Variants in BMF observed in about 807,000 individuals in gnomAD.
BMF encodes the protein Bcl2 modifying factor.
In BMF, 10 loss-of-function variants were observed where a neutral mutation model predicts 22.0. The observed-to-expected ratio is 0.45, with a 90% CI of 0.28 to 0.77. BMF has a LOEUF of 0.77. Among genes scored for constraint, BMF ranks in the 30% least tolerant of loss-of-function variants. BMF has a pLI of 0.13. For missense variants in BMF, 206 were observed against 226.8 expected, an observed-to-expected ratio of 0.91 and a Z score of 0.59; for synonymous variants, 87 against 88.1, an observed-to-expected ratio of 0.99 and a Z score of 0.07.
chr15:40,093,296 C>T (rs957841279), intron 4 of BMF, among the ~76,000 whole-genome samples: 2 of 152,198 alleles, frequency 1.3e-5, no homozygotes, highest in East Asian at 3.8e-4. Flanking sequence ...ATCATGGCAA[C>T]AGCATTCCTC....
chr15:40,098,868 G>A (rs565697211), intron 4 of BMF, among the ~76,000 whole-genome samples: 85 of 152,332 alleles, frequency 5.6e-4, no homozygotes, highest in South Asian at 5.4e-3. Context: ...GCAGTCAGGT[G>A]CAGAGTGTGT....
chr15:40,099,780 C>CAA (rs747996690), intron 4 of BMF, among the ~76,000 whole-genome samples: 2,296 of 63,426 alleles, frequency 0.036, 49 homozygotes, highest in African/African-American at 0.089. Context: ...GCTGTCTCAC[C>CAA]AAAAAAAAAA....
chr15:40,100,037 A>G (rs2036444065), intron 4 of BMF, among the ~76,000 whole-genome samples: 1 of 152,242 alleles, frequency 6.6e-6, no homozygotes, highest in Admixed American at 6.5e-5. Flanking sequence ...GTCCAAGTGA[A>G]AAAGCCATTT....
In BMF at chr15:40,104,274, G is replaced by A; in HGVS notation, c.359C>T (p.Pro120Leu). 6.2e-7 allele frequency: 1 copy of A among 1,614,214 alleles called. No homozygotes were observed. The highest frequency in any genetic ancestry group is 8.5e-7 in the Non-Finnish European group (1 of 1,180,046). The change falls in exon 4 of 5, where the codon CCC (proline) becomes CTC (leucine). Residue 120 changes from proline (P) to leucine (L), a missense_variant. By Grantham distance (98) the Pro-to-Leu change is moderately conservative. Transcript: ENST00000354670. Reference sequence around the variant, plus strand: ...TTGATGTTGCCACTGCCCTTCGGGGGGCTGCTCCCCAATGGGCAAGACTGC... The same window carrying A: ...TTGATGTTGCCACTGCCCTTCGGGGAGCTGCTCCCCAATGGGCAAGACTGC... ...FPAVLPIGEQ[P>L]PEGQWQHQAE...
chr15:40,103,491 C>T (rs1367561089), intron 4 of BMF, among the ~76,000 whole-genome samples: 1 of 152,232 alleles, frequency 6.6e-6, no homozygotes, highest in Non-Finnish European at 1.5e-5. Flanking sequence ...CTGCCAGCCG[C>T]CGCCTTTGTT....
Position 40,090,273 on chromosome 15 carries a change from C to G in BMF, c.*1514G>C, listed in dbSNP as rs1474640523. ...TACTGAAGACCTCCTCTCCTCAGAA[C>G]TGGAAGACTTGGGCTTGTTCAGATT... On this transcript the variant is annotated 3_prime_UTR_variant, in exon 5 of 5. Transcript: ENST00000354670. 6.6e-6 allele frequency: 1 copy of G among 152,668 alleles called. No individual in the cohort carries two copies. The highest frequency in any genetic ancestry group is 2.4e-5 in the African/African-American group (1 of 41,446). The allele number at this position is 152,668 out of a possible 1,614,324, so 9.5% of individuals were successfully genotyped here.
At chr15:40,092,520 G>C (rs16970354) in intron 4 of BMF, among the ~76,000 whole-genome samples, 1,635 of 152,170 alleles carry the variant, frequency 0.011, 28 homozygotes, top group African/African-American at 0.038. Context: ...TCTCCAGCTC[G>C]GTGCTGCCCT....
rs1297605988 is a variant in BMF at position 40,089,629 on chromosome 15, C to A, written c.*2158G>T. ...GATGGCCTTGCCCCAGCACCAAGATCTAAATCATTTTCTCTCTCACTGAAC... is the reference window on the plus strand; with the variant it reads ...GATGGCCTTGCCCCAGCACCAAGATATAAATCATTTTCTCTCTCACTGAAC... On this transcript the variant is annotated 3_prime_UTR_variant, in exon 5 of 5. Coordinates refer to ENST00000354670, the MANE Select transcript of BMF (RefSeq NM_001003940.2). 6.6e-6 allele frequency: 1 copy of A among 152,232 alleles called. No homozygotes were observed. Among genetic ancestry groups the A allele is most frequent in the Non-Finnish European group, 1.5e-5 (1 of 68,052 alleles). 9.4% of individuals were successfully genotyped at this position (152,232 alleles called of 1,614,324 possible).
In BMF at chr15:40,091,646, C is replaced by G; in HGVS notation, c.*141G>C. ...CCCGCTTGAGTATGTTGTATGTACA[C>G]TCAGAGAGAAATTAAAAAAAATTAA... is the stretch of plus-strand genomic sequence containing the variant. On this transcript the variant is annotated 3_prime_UTR_variant, in exon 5 of 5. Coordinates refer to ENST00000354670, the MANE Select transcript of BMF (RefSeq NM_001003940.2). 1.5e-6 allele frequency: 1 copy of G among 668,340 alleles called. No individual in the cohort carries two copies. The allele number at this position is 668,340 out of a possible 1,614,324, so 41.4% of individuals were successfully genotyped here.
At chr15:40,101,401 A>C (rs1192613181) in intron 4 of BMF, among the ~76,000 whole-genome samples, 1 of 152,220 alleles carries the variant, frequency 6.6e-6, no homozygotes, top group African/African-American at 2.4e-5. Context: ...AGTGAAGTCA[A>C]GTGACTTCCT....
At chr15:40,107,832 C>T (rs1262262647) in intron 2 of BMF, among the ~76,000 whole-genome samples, 1 of 152,080 alleles carries the variant, frequency 6.6e-6, no homozygotes, top group African/African-American at 2.4e-5. Flanking sequence ...CCCCAAAGTT[C>T]AACCTTTGCC....
intron 4 of BMF, among the ~76,000 whole-genome samples, chr15:40,098,986 G>A (rs148867107): frequency 1.3e-5 from 2 of 152,210 alleles, no homozygotes; most frequent in Admixed American, 6.5e-5. Flanking sequence ...CAGCCCCGGC[G>A]CTGGCTCTCA....
chr15:40,093,170 C>T (rs894529344), intron 4 of BMF, among the ~76,000 whole-genome samples: 1 of 152,208 alleles, frequency 6.6e-6, no homozygotes, highest in Non-Finnish European at 1.5e-5. Flanking sequence ...TTTCCCAGGG[C>T]CACCATGCAG....
In BMF at chr15:40,091,898, GA is replaced by G. The variant is rs76511640; in HGVS notation, c.454-11del. On this transcript the variant is annotated splice_polypyrimidine_tract_variant and intron_variant, in intron 4 of 4. Coordinates refer to ENST00000354670, the MANE Select transcript of BMF (RefSeq NM_001003940.2). Reference sequence around the variant, plus strand: ...TTTGGTTCTGCTGGTGCTGAAGGGAGAAAAAAAAAAAAGACCAACATAACTC... The same window carrying G: ...TTTGGTTCTGCTGGTGCTGAAGGGAGAAAAAAAAAAAGACCAACATAACTC... 0.092 allele frequency: 92,111 copies of G among 996,784 alleles called. 1 individual carries two copies. Among genetic ancestry groups the G allele is most frequent in the South Asian group, 0.12 (6,011 of 50,306 alleles). 61.7% of individuals were successfully genotyped at this position (996,784 alleles called of 1,614,324 possible).
rs2036191887 is a variant in BMF, at chr15:40,089,303, T to G, written c.*2484A>C. On this transcript the variant is annotated 3_prime_UTR_variant, in exon 5 of 5. Coordinates refer to ENST00000354670, the MANE Select transcript of BMF (RefSeq NM_001003940.2). ...GGAGGAAGGGGCCAGTTTAGATCAC[T>G]AAGCCAATTAAAAACAACCAGCCAG... 6.6e-6 allele frequency: 1 copy of G among 152,230 alleles called. No individual in the cohort carries two copies. Among genetic ancestry groups the G allele is most frequent in the African/African-American group, 2.4e-5 (1 of 41,428 alleles). 9.4% of individuals were successfully genotyped at this position (152,230 alleles called of 1,614,324 possible). A position where few individuals can be genotyped will look rare whatever the true frequency, so the allele number is the denominator to read the frequency against.
intron 4 of BMF, among the ~76,000 whole-genome samples, chr15:40,101,487 C>T (rs1367781211): frequency 6.6e-6 from 1 of 152,142 alleles, no homozygotes; most frequent in Admixed American, 6.5e-5. Flanking sequence ...GAAACTAAAT[C>T]CTAAATAACC....
At chr15:40,092,961 C>T (rs996771748) in intron 4 of BMF, among the ~76,000 whole-genome samples, 3 of 152,202 alleles carry the variant, frequency 2.0e-5, no homozygotes, top group Admixed American at 6.5e-5. Context: ...TCAGTGGCCC[C>T]GTCAGCAAGC....
At chr15:40,100,717 G>A (rs2036458455) in intron 4 of BMF, among the ~76,000 whole-genome samples, 1 of 152,196 alleles carries the variant, frequency 6.6e-6, no homozygotes, top group Non-Finnish European at 1.5e-5. Context: ...AAGTGCAGAT[G>A]GCCCACGTAA....
chr15:40,101,769 C>G (rs1160552282), intron 4 of BMF, among the ~76,000 whole-genome samples: 1 of 152,062 alleles, frequency 6.6e-6, no homozygotes, highest in Non-Finnish European at 1.5e-5. Flanking sequence ...TAAGTAGGGT[C>G]AGTGGGGAGG....
Sources: allele counts gnomAD v4.1 joint callset (sites outside exome capture counted in the v4.1 genomes callset), GRCh38; gene constraint gnomAD v4.1.1; transcripts MANE v1.5; gene names NCBI Gene and HGNC (gene_info 2026-07-23, HGNC 2026-07-21).